The following DACH2 variants were observed in gnomAD, a reference collection of about 807,000 sequenced individuals.
The protein encoded by DACH2 is dachshund homolog 2.
Under a neutral mutation model 35.8 loss-of-function variants are expected in DACH2, and 17 were observed. That is an observed-to-expected ratio of 0.48 (90% CI 0.33 to 0.71). DACH2 has a LOEUF of 0.71. Among genes scored for constraint, DACH2 ranks in the 30% least tolerant of loss-of-function variants. The pLI is 0.02. For synonymous variants in DACH2, 195 were observed against 177.3 expected (o/e 1.10, Z -0.79); for missense variants, 469 against 472.7 (o/e 0.99, Z 0.07).
chrX:86,372,513 G>A (rs1274533498), intron 1 of DACH2, among the ~76,000 whole-genome samples: 1 of 110,660 alleles, frequency 9.0e-6, no homozygotes, highest in Admixed American at 9.8e-5. Context: ...AAGGTCATAA[G>A]AAATTGTGGG....
chrX:86,475,392 A>G (rs2037826118), intron 2 of DACH2, among the ~76,000 whole-genome samples: 1 of 111,527 alleles, frequency 9.0e-6, no homozygotes. Flanking sequence ...AATTTTCATT[A>G]TAGAAATCCT....
intron 1 of DACH2, among the ~76,000 whole-genome samples, chrX:86,356,595 T>C (rs887868395): frequency 8.9e-6 from 1 of 111,743 alleles, no homozygotes; most frequent in African/African-American, 3.3e-5. Context: ...TTGATAGGAA[T>C]AGCACTGAAT....
At chrX:86,572,439 G>A (rs1284888869) in intron 3 of DACH2, among the ~76,000 whole-genome samples, 1 of 111,452 alleles carries the variant, frequency 9.0e-6, no homozygotes, top group Non-Finnish European at 1.9e-5. Context: ...GTAGCTTTCT[G>A]TAGAATCCTT....
chrX:86,803,211 G>T (rs758365073), intron 7 of DACH2, among the ~76,000 whole-genome samples: 60 of 111,715 alleles, frequency 5.4e-4, no homozygotes, highest in Non-Finnish European at 9.8e-4. Context: ...CTTTATCTCT[G>T]ATATAACAAT....
At chrX:86,720,556 T>G (rs775031308) in intron 6 of DACH2, among the ~76,000 whole-genome samples, 7 of 112,267 alleles carry the variant, frequency 6.2e-5, no homozygotes, top group Non-Finnish European at 1.3e-4. Flanking sequence ...GATGCAAAAG[T>G]GGCCTCCCAT....
intron 7 of DACH2, among the ~76,000 whole-genome samples, chrX:86,747,517 C>A (rs1409813782): frequency 8.9e-6 from 1 of 111,923 alleles, no homozygotes; most frequent in East Asian, 2.8e-4. Context: ...AAATTGATTT[C>A]TCAGTGCATG....
chrX:86,286,420 T>A (rs906004895), intron 1 of DACH2, among the ~76,000 whole-genome samples: 17 of 111,121 alleles, frequency 1.5e-4, no homozygotes, highest in Non-Finnish European at 3.8e-5. Context: ...GCCAGTCTGT[T>A]TTGATTGGAG....
At chrX:86,747,799 T>C (rs1171519172) in intron 7 of DACH2, among the ~76,000 whole-genome samples, 2 of 111,606 alleles carry the variant, frequency 1.8e-5, no homozygotes, top group Non-Finnish European at 3.8e-5. Context: ...GCCACATCAA[T>C]TGACTTTTCC....
intron 6 of DACH2, 137 bp from the exon 7 acceptor site, chrX:86,739,610 T>A (rs2041632356): frequency 1.7e-6 from 1 of 581,692 alleles, no homozygotes; most frequent in Non-Finnish European, 2.5e-6. Flanking sequence ...TTTAAATATA[T>A]GTATTTAAGA....
At chrX:86,714,909 A>G (rs5923608) in intron 6 of DACH2, among the ~76,000 whole-genome samples, 189 bp downstream of exon 6, 30,935 of 110,864 alleles carry the variant, frequency 0.28, 3,277 homozygotes, top group East Asian at 0.48. Context: ...TTTTCATTCT[A>G]TGACCACAGA....
chrX:86,769,861 G>C lies in DACH2; in HGVS notation c.1240+29979G>C, dbSNP rs186862893. Among the ~76,000 whole-genome samples, 17 of 109,748 alleles carry C rather than the reference G, an allele frequency of 1.5e-4. No homozygotes were observed. The East Asian group carries it at 3.7e-3, about 24-fold the overall frequency. On this transcript the variant is annotated intron_variant, in intron 7 of 11. Coordinates refer to ENST00000373125, the MANE Select transcript of DACH2 (RefSeq NM_053281.3). ...GTGAGATTTCTCTGGTGTATCAATG[G>C]TACAAAAGTGCAATTATAGGCCAGG...
At chrX:86,728,756 C>T (rs1274554349) in intron 6 of DACH2, among the ~76,000 whole-genome samples, 2 of 112,765 alleles carry the variant, frequency 1.8e-5, no homozygotes, top group Non-Finnish European at 3.8e-5. Flanking sequence ...ACACAAGCCA[C>T]CATATCCCTC....
chrX:86,300,734 G>T, intron 1 of DACH2, among the ~76,000 whole-genome samples: 1 of 111,756 alleles, frequency 8.9e-6, no homozygotes, highest in Non-Finnish European at 1.9e-5. Context: ...TAAAATTCAG[G>T]TGGGTCCTCT....
intron 1 of DACH2, among the ~76,000 whole-genome samples, chrX:86,366,587 C>A (rs988745328): frequency 9.0e-6 from 1 of 110,995 alleles, no homozygotes; most frequent in Non-Finnish European, 1.9e-5. Flanking sequence ...TAGAATATTA[C>A]ATTTATTTCT....
intron 7 of DACH2, among the ~76,000 whole-genome samples, chrX:86,766,100 C>A (rs759065366): frequency 9.0e-6 from 1 of 110,624 alleles, no homozygotes; most frequent in Non-Finnish European, 1.9e-5. Context: ...CTCCTTTCTT[C>A]TCCAAGCCAA....
At chrX:86,660,908 G>A (rs970477691) in intron 4 of DACH2, among the ~76,000 whole-genome samples, 9 of 110,915 alleles carry the variant, frequency 8.1e-5, no homozygotes, top group African/African-American at 2.9e-4. Context: ...AACATTTAAT[G>A]GATTCTACTT....
At chrX:86,795,195 T>G (rs757698484) in intron 7 of DACH2, among the ~76,000 whole-genome samples, 1 of 108,191 alleles carries the variant, frequency 9.2e-6, no homozygotes, top group South Asian at 4.1e-4. Flanking sequence ...CTAAGTGAAG[T>G]GAGTAGATAT....
In DACH2 at chrX:86,423,196, T is replaced by C. The variant is rs560988593; in HGVS notation, c.527+46334T>C. On this transcript the variant is annotated intron_variant, in intron 2 of 11. Transcript: ENST00000373125. ...TTTGGGTATATAGCCAGCAGGGAGA[T>C]TGCGGAATAATATGGTAGCTCAATC... 6.3e-5 allele frequency among the ~76,000 whole-genome samples: 7 copies of C among 111,103 alleles called. No individual in the cohort carries two copies. The South Asian group carries it at 2.6e-3, about 42-fold the overall frequency.
chrX:86,649,239 T>C (rs1366094760), intron 3 of DACH2, among the ~76,000 whole-genome samples: 2 of 111,181 alleles, frequency 1.8e-5, no homozygotes, highest in African/African-American at 6.5e-5. Context: ...GTTTAGATAT[T>C]TGTATACCTT....
Sources: allele counts gnomAD v4.1 joint callset (sites outside exome capture counted in the v4.1 genomes callset), GRCh38; gene constraint gnomAD v4.1.1; transcripts MANE v1.5; gene names NCBI Gene and HGNC (gene_info 2026-07-23, HGNC 2026-07-21).